Variants in NAT10 observed in about 807,000 individuals in gnomAD.
The protein encoded by NAT10 is RNA cytidine acetyltransferase.
Under a neutral mutation model 132.2 loss-of-function variants are expected in NAT10, and 109 were observed. That is an observed-to-expected ratio of 0.82 (90% CI 0.71 to 0.97). NAT10 has a LOEUF of 0.97. Ranked by LOEUF, NAT10 falls within the 50% of genes least tolerant of loss-of-function variation. The pLI is 0.00. For missense variants in NAT10, 1,184 were observed against 1,263.4 expected (o/e 0.94, Z 0.95); for synonymous variants, 479 against 478.0 (o/e 1.00, Z -0.03).
Position 34,128,356 on chromosome 11 carries a change from A to G in NAT10, c.1244+757A>G, listed in dbSNP as rs1026971719. On this transcript the variant is annotated intron_variant, in intron 12 of 28. Transcript: ENST00000257829. The stretch of plus-strand genomic sequence containing the variant: ...GCGACAGAGCGAGACTGTCTCAAAA[A>G]CAAAACAAAAAAAAAAAAAAAAGAA... Among the ~76,000 whole-genome samples, 4 of 151,150 alleles carry G rather than the reference A, an allele frequency of 2.6e-5. No homozygotes were observed. The South Asian group carries it at 8.4e-4, about 32-fold the overall frequency.
At chr11:34,141,980 C>T in intron 26 of NAT10, 163 bp downstream of exon 26, 1 of 655,620 alleles carries the variant, frequency 1.5e-6, no homozygotes. Context: ...CCAGCATTGT[C>T]TGAGCACACA....
chr11:34,110,314 C>T (rs2134152155), intron 3 of NAT10, among the ~76,000 whole-genome samples: 1 of 151,936 alleles, frequency 6.6e-6, no homozygotes, highest in Non-Finnish European at 1.5e-5. Flanking sequence ...CCCTCCTTTT[C>T]TTTGCTCATG....
intron 8 of NAT10, among the ~76,000 whole-genome samples, chr11:34,120,620 G>T (rs927474429): frequency 2.6e-5 from 4 of 152,224 alleles, no homozygotes; most frequent in African/African-American, 9.6e-5. Context: ...CTGGCATCTT[G>T]CTTTTACTTC....
Position 34,126,998 on chromosome 11 carries a change from C to T in NAT10, c.1108-465C>T, listed in dbSNP as rs114858450. 6.2e-3 allele frequency among the ~76,000 whole-genome samples: 938 copies of T among 152,266 alleles called. 12 individuals are homozygous for T. The highest frequency in any genetic ancestry group is 0.021 in the African/African-American group (885 of 41,544). ...ATCCGACATCCTCCTCTTTAGCCAC[C>T]ACTGGGGTCGAGCTATGCCTCGAGC... On this transcript the variant is annotated intron_variant, in intron 11 of 28. Transcript: ENST00000257829.
intron 20 of NAT10, 31 bp from the exon 21 acceptor site, chr11:34,136,947 A>T: frequency 6.2e-7 from 1 of 1,613,924 alleles, no homozygotes; most frequent in Non-Finnish European, 8.5e-7. Flanking sequence ...GAGGCCACAC[A>T]CAGTGACCTA....
chr11:34,108,719 T>C, intron 2 of NAT10, 23 bp from the exon 3 acceptor site: 2 of 1,599,086 alleles, frequency 1.3e-6, no homozygotes, highest in Non-Finnish European at 1.7e-6. Context: ...TGCCTGAAAT[T>C]CTGTGACTTT....
In NAT10 at chr11:34,112,061, G is replaced by A. The variant is rs1590760416; in HGVS notation, c.210G>A (p.Lys70=). 9 of 1,614,150 alleles carry A rather than the reference G, an allele frequency of 5.6e-6. No individual in the cohort carries two copies. The highest frequency in any genetic ancestry group is 6.8e-6 in the Non-Finnish European group (8 of 1,180,020). The stretch of plus-strand genomic sequence containing the variant: ...GGGTGTGTGATTGCAGTCACCGGAA[G>A]AAAAGAATGCGACAGCTGCAGAAGA... ...KKELGFSSHR[K]KRMRQLQKKI... is the part of the protein sequence containing the mutation. Residue 70 remains lysine, a synonymous_variant, in exon 4 of 29, where the codon AAG becomes AAA. Coordinates refer to ENST00000257829, the MANE Select transcript of NAT10 (RefSeq NM_024662.3).
chr11:34,111,920 G>A (rs1851700524), intron 3 of NAT10, 132 bp from the exon 4 acceptor site: 1 of 987,976 alleles, frequency 1.0e-6, no homozygotes, highest in Admixed American at 2.5e-5. Flanking sequence ...ACCTGAAGTG[G>A]GCCTCACACT....
Position 34,122,553 on chromosome 11 carries a change from C to T in NAT10, c.875C>T (p.Ala292Val). 6.2e-7 allele frequency: 1 copy of T among 1,614,202 alleles called. No individual in the cohort carries two copies. Among genetic ancestry groups the T allele is most frequent in the Non-Finnish European group, 8.5e-7 (1 of 1,180,038 alleles). ...GCTGCTCGAGGACGGGGAAAATCTG[C>T]AGCCCTGGGATTGGCGATTGCTGGG... ...LTAARGRGKS[A>V]ALGLAIAGAV... The change falls in exon 9 of 29, where the codon GCA becomes GTA. Residue 292 changes from alanine (A) to valine (V), a missense_variant. By Grantham distance (64) the Ala-to-Val change is moderately conservative. Transcript: ENST00000257829.
rs750570995 is a variant in NAT10 at position 34,141,197 on chromosome 11, A to G, written c.2701A>G (p.Lys901Glu). The change falls in exon 25 of 29, where the codon AAA (lysine) becomes GAA (glutamate). Residue 901 changes from lysine to glutamate, a missense_variant. Lys to Glu is a moderately conservative substitution (Grantham distance 56). Coordinates refer to ENST00000257829, the MANE Select transcript of NAT10 (RefSeq NM_024662.3). Reference sequence around the variant, plus strand: ...GGGACTTTTCAACCGGATCATCCGCAAAGTTGTGAAGGTAACCTCAGCCTG... The same window carrying G: ...GGGACTTTTCAACCGGATCATCCGCGAAGTTGTGAAGGTAACCTCAGCCTG... ...LMGLFNRIIR[K>E]VVKLFNEVQE... is the part of the protein sequence containing the mutation. 6.8e-6 allele frequency: 11 copies of G among 1,613,888 alleles called. No individual in the cohort carries two copies. The highest frequency in any genetic ancestry group is 9.3e-6 in the Non-Finnish European group (11 of 1,180,004).
Position 34,137,025 on chromosome 11 carries a change from C to T in NAT10, c.2210C>T (p.Pro737Leu), listed in dbSNP as rs781716877. 3.7e-6 allele frequency: 6 copies of T among 1,614,030 alleles called. No individual in the cohort carries two copies. Among genetic ancestry groups the T allele is most frequent in the East Asian group, 2.2e-5 (1 of 44,896 alleles). ...GFVPVYLRQT[P>L]NDLTGEHSCI... ...GTTCCTGTTTATCTGAGACAGACCC[C>T]GGTGAGTGAGGCATCCAGCAGAGGA... is the stretch of plus-strand genomic sequence containing the variant. The change falls in exon 21 of 29, where the codon CCG becomes CTG. Residue 737 changes from proline (P) to leucine (L), a missense_variant and splice_region_variant. Physicochemically the swap from Pro to Leu is moderately conservative, Grantham distance 98. Transcript: ENST00000257829.
chr11:34,143,803 C>G (rs993671981), intron 28 of NAT10, among the ~76,000 whole-genome samples: 11 of 152,208 alleles, frequency 7.2e-5, no homozygotes, highest in Non-Finnish European at 1.3e-4. Flanking sequence ...AGGGAACAGT[C>G]CAGAAGCTGC....
intron 8 of NAT10, 132 bp from the exon 9 acceptor site, chr11:34,122,327 C>T: frequency 8.6e-7 from 1 of 1,162,492 alleles, no homozygotes; most frequent in Non-Finnish European, 1.3e-6. Context: ...CTGAGCAGTG[C>T]TTTCTGGCCT....
chr11:34,124,194 T>C, intron 10 of NAT10, 108 bp from the exon 11 acceptor site: 1 of 745,182 alleles, frequency 1.3e-6, no homozygotes, highest in South Asian at 1.8e-5. Flanking sequence ...TTTGATACAG[T>C]GCTGGGTTTA....
chr11:34,124,969 G>A (rs776296248), intron 11 of NAT10, among the ~76,000 whole-genome samples: 10 of 152,146 alleles, frequency 6.6e-5, no homozygotes, highest in African/African-American at 1.4e-4. Context: ...GCTTACAGAC[G>A]GACTGAGACT....
intron 28 of NAT10, among the ~76,000 whole-genome samples, chr11:34,145,086 C>T (rs1435285522): frequency 6.6e-6 from 1 of 152,148 alleles, no homozygotes; most frequent in African/African-American, 2.4e-5. Flanking sequence ...AGCACAGGGC[C>T]CATGATGGCT....
intron 12 of NAT10, among the ~76,000 whole-genome samples, chr11:34,130,326 A>G (rs948280911): frequency 1.3e-5 from 2 of 152,104 alleles, no homozygotes; most frequent in Middle Eastern, 3.2e-3. Context: ...GATTTGTTTT[A>G]TTTTCCAAAC....
intron 3 of NAT10, among the ~76,000 whole-genome samples, chr11:34,110,529 T>C (rs545070028): frequency 6.0e-4 from 91 of 151,378 alleles, no homozygotes; most frequent in Middle Eastern, 3.4e-3. Flanking sequence ...ACTTACATAC[T>C]GTGACTTACG....
intron 11 of NAT10, 55 bp from the exon 12 acceptor site, chr11:34,127,408 C>T (rs1474074271): frequency 2.0e-6 from 3 of 1,510,722 alleles, no homozygotes; most frequent in Non-Finnish European, 2.7e-6. Flanking sequence ...CGCCAGTAAT[C>T]ACAGCTGTGA....
Sources: gnomAD v4.1 joint callset for allele counts (sites outside exome capture counted in the v4.1 genomes callset) on GRCh38, gnomAD v4.1.1 for gene constraint, MANE v1.5 for transcripts, NCBI Gene and HGNC (gene_info 2026-07-23, HGNC 2026-07-21) for gene names.